Variants in SLC35C1 observed in about 807,000 individuals in gnomAD.
SLC35C1 encodes GDP-fucose transporter 1.
Under a neutral mutation model 23.2 loss-of-function variants are expected in SLC35C1, and 8 were observed. The ratio of observed to expected loss-of-function variants is 0.35; its 90% confidence interval spans 0.20 to 0.62. The LOEUF (loss-of-function observed/expected upper bound fraction) is 0.62, where lower values mean the gene tolerates loss of function less well. SLC35C1 is among the 20% of genes least tolerant of loss of function. SLC35C1 has a pLI of 0.75. For missense variants in SLC35C1, 422 were observed against 478.6 expected, an observed-to-expected ratio of 0.88 and a Z score of 1.10; for synonymous variants, 226 against 225.1, an observed-to-expected ratio of 1.00 and a Z score of -0.04.
intron 1 of SLC35C1, chr11:45,810,522 A>C (rs1180621370): frequency 1.0e-6 from 1 of 985,208 alleles, no homozygotes; most frequent in Non-Finnish European, 1.2e-6. Context: ...GATTTGTTTT[A>C]ATGTCTTTCT....
chr11:45,806,853 C>G, intron 1 of SLC35C1: 1 of 980,824 alleles, frequency 1.0e-6, no homozygotes. Flanking sequence ...CCAGCCAGTG[C>G]TCTTAGTAGA....
rs2085965420 is a variant in SLC35C1 at position 45,812,797 on chromosome 11, C to T, written c.*1462C>T. 2.6e-6 allele frequency: 1 copy of T among 388,636 alleles called. No individual in the cohort carries two copies. The allele number at this position is 388,636 out of a possible 1,614,324, so 24.1% of individuals were successfully genotyped here. ...ACCCTTCACCACACCCTCCTGCGCTCAGGGTGGCTTGCAGTCCCTGGCCCT... is the reference window on the plus strand; with the variant it reads ...ACCCTTCACCACACCCTCCTGCGCTTAGGGTGGCTTGCAGTCCCTGGCCCT... On this transcript the variant is annotated 3_prime_UTR_variant, in exon 2 of 2. Coordinates refer to ENST00000314134, the MANE Select transcript of SLC35C1 (RefSeq NM_018389.5).
In SLC35C1 at chr11:45,806,132, C is replaced by T; in HGVS notation, c.331C>T (p.Leu111Phe). 3 of 1,608,266 alleles carry T rather than the reference C, an allele frequency of 1.9e-6. No individual in the cohort carries two copies. The highest frequency in any genetic ancestry group is 1.1e-5 in the South Asian group (1 of 91,064). Residue 111 changes from leucine to phenylalanine, a missense_variant, in exon 1 of 2, where the codon CTC becomes TTC. Coordinates refer to ENST00000314134, the MANE Select transcript of SLC35C1 (RefSeq NM_018389.5). ...AVDFPSLRLD[L>F]RVARSVLPLS... ...GGACTTCCCCAGCTTGCGCCTGGAC[C>T]TCAGGGTGGCCCGCAGCGTCCTGCC... is the stretch of plus-strand genomic sequence containing the variant.
At chr11:45,809,048 A>G (rs1159881157) in intron 1 of SLC35C1, among the ~76,000 whole-genome samples, 2 of 152,338 alleles carry the variant, frequency 1.3e-5, no homozygotes, top group East Asian at 1.9e-4. Context: ...TTGAGTGCCT[A>G]TGATGTAGGA....
chr11:45,810,442 A>G (rs1195986511), intron 1 of SLC35C1: 3 of 985,128 alleles, frequency 3.0e-6, no homozygotes, highest in Admixed American at 1.2e-4. Context: ...ACAGGCTCTC[A>G]CAGCACCTTG....
At chr11:45,806,378 G>T in intron 1 of SLC35C1, 42 bp downstream of exon 1, 1 of 1,604,562 alleles carries the variant, frequency 6.2e-7, no homozygotes, top group Non-Finnish European at 8.5e-7. Flanking sequence ...GTGGTCATGG[G>T]GACTGAAGCA....
At chr11:45,806,798 C>A in intron 1 of SLC35C1, 2 of 653,116 alleles carry the variant, frequency 3.1e-6, no homozygotes, top group Non-Finnish European at 3.8e-6. Flanking sequence ...ACATGCCCGA[C>A]CACTGTACTT....
chr11:45,811,400 T>C lies in SLC35C1; in HGVS notation c.*65T>C, dbSNP rs1034043468. ...TACACAGGCGGGGCCAGCACAGTAG[T>C]GAAGGCGGTCTCCTGGACCCCAGAA... On this transcript the variant is annotated 3_prime_UTR_variant, in exon 2 of 2. Coordinates refer to ENST00000314134, the MANE Select transcript of SLC35C1 (RefSeq NM_018389.5). 2 of 1,357,566 alleles carry C rather than the reference T, an allele frequency of 1.5e-6. No homozygotes were observed. Among genetic ancestry groups the C allele is most frequent in the Non-Finnish European group, 1.9e-6 (2 of 1,028,674 alleles). The allele number at this position is 1,357,566 out of a possible 1,614,324, so 84.1% of individuals were successfully genotyped here. A position where few individuals can be genotyped will look rare whatever the true frequency, so the allele number is the denominator to read the frequency against.
chr11:45,810,129 A>G (rs1259859327), intron 1 of SLC35C1: 2 of 985,334 alleles, frequency 2.0e-6, no homozygotes, highest in Admixed American at 6.1e-5. Flanking sequence ...CCCGCCTGCC[A>G]CGCCAAGGAG....
chr11:45,811,438 G>A lies in SLC35C1; in HGVS notation c.*103G>A. 2.1e-6 allele frequency: 2 copies of A among 934,250 alleles called. No homozygotes were observed. Among genetic ancestry groups the A allele is most frequent in the Non-Finnish European group, 3.1e-6 (2 of 646,566 alleles). The allele number at this position is 934,250 out of a possible 1,614,324, so 57.9% of individuals were successfully genotyped here. The stretch of plus-strand genomic sequence containing the variant: ...CTGGACCCCAGAAGCGTGCTGTGGT[G>A]TGGACTGGGTGCTACTTATAGACCC... On this transcript the variant is annotated 3_prime_UTR_variant, in exon 2 of 2. Transcript: ENST00000314134.
upstream of SLC35C1, chr11:45,804,926 C>T (rs2085850592): frequency 4.1e-6 from 4 of 985,584 alleles, no homozygotes; most frequent in East Asian, 3.4e-4. Flanking sequence ...TGATGGAGCC[C>T]TTCCAGGAAG....
chr11:45,809,625 G>A, intron 1 of SLC35C1: 1 of 317,040 alleles, frequency 3.2e-6, no homozygotes. Flanking sequence ...GAGTAGATTG[G>A]CTGGAGTGGA....
chr11:45,807,562 A>T (rs2085890406), intron 1 of SLC35C1, among the ~76,000 whole-genome samples: 1 of 152,074 alleles, frequency 6.6e-6, no homozygotes, highest in South Asian at 2.1e-4. Flanking sequence ...TATAAAGTTT[A>T]TCTTATTTGG....
At chr11:45,804,607 C>A, upstream of SLC35C1, 4 of 985,772 alleles carry the variant, frequency 4.1e-6, no homozygotes, top group Non-Finnish European at 4.8e-6. Context: ...AACTGAAGTC[C>A]GAGAGAGGCG....
chr11:45,811,308 C>T lies in SLC35C1; in HGVS notation c.1068C>T (p.Asp356=), dbSNP rs765654910. 6 of 1,539,794 alleles carry T rather than the reference C, an allele frequency of 3.9e-6. No individual in the cohort carries two copies. Among genetic ancestry groups the T allele is most frequent in the Non-Finnish European group, 4.3e-6 (5 of 1,152,054 alleles). ...CTCCGGAGGAGCCCAGCCCCAAAGA[C>T]AGCGAGAAGAGCGCCATGGGGGTGT... ...KKTPEEPSPK[D]SEKSAMGV Residue 356 remains aspartate, a synonymous_variant, in exon 2 of 2, where the codon GAC becomes GAT. Transcript: ENST00000314134.
chr11:45,810,429 C>T (rs1424918530), intron 1 of SLC35C1: 1 of 985,326 alleles, frequency 1.0e-6, no homozygotes, highest in East Asian at 1.1e-4. Context: ...CAGTCGCCCA[C>T]TTACAGGCTC....
intron 1 of SLC35C1, 61 bp downstream of exon 1, chr11:45,806,397 C>T: frequency 6.3e-7 from 1 of 1,583,952 alleles, no homozygotes; most frequent in Non-Finnish European, 8.6e-7. Flanking sequence ...CAGTGAAGAA[C>T]AACTCTTCTA....
chr11:45,805,519 T>G lies in SLC35C1; in HGVS notation c.-283T>G. The G allele has an allele frequency of 1.5e-6, 2 of 1,350,772 alleles. No homozygotes were observed. Among genetic ancestry groups the G allele is most frequent in the East Asian group, 2.9e-5 (1 of 34,056 alleles). The allele number at this position is 1,350,772 out of a possible 1,614,324, so 83.7% of individuals were successfully genotyped here. A position where few individuals can be genotyped will look rare whatever the true frequency, so the allele number is the denominator to read the frequency against. On this transcript the variant is annotated 5_prime_UTR_variant, in exon 1 of 2. Transcript: ENST00000314134. Reference sequence around the variant, plus strand: ...CCCCAGCCTCTTCTCCCCTCACAGGTCTTCTCTGTCCTGGCCTCACCGCCT... The same window carrying G: ...CCCCAGCCTCTTCTCCCCTCACAGGGCTTCTCTGTCCTGGCCTCACCGCCT...
Position 45,812,162 on chromosome 11 carries a change from AGGAGCT to A in SLC35C1, c.*829_*834del. 5.1e-6 allele frequency: 1 copy of A among 195,588 alleles called. No individual in the cohort carries two copies. Among genetic ancestry groups the A allele is most frequent in the African/African-American group, 2.3e-5 (1 of 43,688 alleles). The allele number at this position is 195,588 out of a possible 1,614,324, so 12.1% of individuals were successfully genotyped here. A position where few individuals can be genotyped will look rare whatever the true frequency, so the allele number is the denominator to read the frequency against. ...TAACAGCCTTCTGAAAGCAGAGCCAAGGAGCTGCTTCTCTCTTCTCCCAGTTCTACC... is the reference window on the plus strand; with the variant it reads ...TAACAGCCTTCTGAAAGCAGAGCCAAGCTTCTCTCTTCTCCCAGTTCTACC... On this transcript the variant is annotated 3_prime_UTR_variant, in exon 2 of 2. Transcript: ENST00000314134.
Sources: allele counts gnomAD v4.1 joint callset (sites outside exome capture counted in the v4.1 genomes callset), GRCh38; gene constraint gnomAD v4.1.1; transcripts MANE v1.5; gene names NCBI Gene and HGNC (gene_info 2026-07-23, HGNC 2026-07-21).